Variants in SH3GL2 observed in about 807,000 individuals in gnomAD.
SH3GL2 encodes the protein SH3 domain containing GRB2 like 2, endophilin A1.
Under a neutral mutation model 46.0 loss-of-function variants are expected in SH3GL2, and 24 were observed. The ratio of observed to expected loss-of-function variants is 0.52; its 90% CI spans 0.38 to 0.73. The LOEUF is 0.73. Among genes scored for constraint, SH3GL2 ranks in the 30% least tolerant of loss-of-function variants. The pLI, the probability that SH3GL2 is intolerant of heterozygous loss-of-function variation, is 0.00. For missense variants in SH3GL2, 413 were observed against 424.2 expected (o/e 0.97, Z 0.23); for synonymous variants, 196 against 147.1 (o/e 1.33, Z -2.40).
intron 1 of SH3GL2, among the ~76,000 whole-genome samples, chr9:17,742,782 T>G (rs1822563354): frequency 6.6e-6 from 1 of 152,206 alleles, no homozygotes; most frequent in Admixed American, 6.5e-5. Flanking sequence ...TGGGCACCAT[T>G]AAAGGTTTTG....
intron 1 of SH3GL2, among the ~76,000 whole-genome samples, chr9:17,693,275 G>C (rs1017729032): frequency 1.3e-5 from 2 of 152,090 alleles, no homozygotes; most frequent in African/African-American, 2.4e-5. Flanking sequence ...TTGGTTGCTG[G>C]TGATTTTTTC....
intron 1 of SH3GL2, among the ~76,000 whole-genome samples, chr9:17,609,709 G>A (rs1379528346): frequency 6.6e-6 from 1 of 152,204 alleles, no homozygotes; most frequent in Admixed American, 6.5e-5. Flanking sequence ...TTGAGAATGT[G>A]GGAAAACATT....
At chr9:17,640,990 G>T (rs1218472718) in intron 1 of SH3GL2, among the ~76,000 whole-genome samples, 1 of 152,112 alleles carries the variant, frequency 6.6e-6, no homozygotes, top group Admixed American at 6.5e-5. Context: ...TAAATAATAA[G>T]TAAAACTCTG....
At chr9:17,734,601 A>G (rs1822273216) in intron 1 of SH3GL2, among the ~76,000 whole-genome samples, 1 of 152,186 alleles carries the variant, frequency 6.6e-6, no homozygotes, top group Non-Finnish European at 1.5e-5. Context: ...TATCCATACA[A>G]TGAAATATTA....
intron 3 of SH3GL2, among the ~76,000 whole-genome samples, chr9:17,778,136 C>T (rs999898789): frequency 8.5e-5 from 13 of 152,124 alleles, no homozygotes; most frequent in Admixed American, 2.0e-4. Context: ...GTGCCAGGCA[C>T]GGTGCTGGAT....
intron 1 of SH3GL2, among the ~76,000 whole-genome samples, chr9:17,657,494 C>T (rs1350121900): frequency 1.3e-5 from 2 of 152,072 alleles, no homozygotes; most frequent in African/African-American, 2.4e-5. Context: ...TGGTGTTATT[C>T]TAATTATTCC....
At chr9:17,634,826 C>G (rs1310739226) in intron 1 of SH3GL2, among the ~76,000 whole-genome samples, 5 of 152,182 alleles carry the variant, frequency 3.3e-5, no homozygotes, top group African/African-American at 9.7e-5. Context: ...ACAATACACA[C>G]ATGATCTGTG....
chr9:17,682,886 G>C (rs1417236371), intron 1 of SH3GL2, among the ~76,000 whole-genome samples: 1 of 152,004 alleles, frequency 6.6e-6, no homozygotes, highest in Admixed American at 6.6e-5. Flanking sequence ...TTGTATTATT[G>C]AAACCAAAAC....
intron 1 of SH3GL2, among the ~76,000 whole-genome samples, chr9:17,713,672 A>G (rs543143336): frequency 1.5e-4 from 23 of 151,588 alleles, no homozygotes; most frequent in Non-Finnish European, 3.2e-4. Context: ...TATTAACTTT[A>G]TAAATATTTG....
intron 1 of SH3GL2, among the ~76,000 whole-genome samples, chr9:17,741,021 C>T (rs12553395): frequency 0.095 from 14,430 of 152,074 alleles, 960 homozygotes; most frequent in Admixed American, 0.22. Flanking sequence ...AAGTGGCTCT[C>T]ATTTACTGAA....
chr9:17,759,855 T>C (rs370514124), intron 2 of SH3GL2, among the ~76,000 whole-genome samples: 40 of 152,316 alleles, frequency 2.6e-4, no homozygotes, highest in African/African-American at 9.4e-4. Flanking sequence ...ACATTTGTCA[T>C]CTAATTCCTT....
intron 1 of SH3GL2, chr9:17,653,960 A>T: frequency 6.3e-6 from 3 of 473,012 alleles, no homozygotes; most frequent in Non-Finnish European, 8.3e-6. Context: ...ATCTTCTTTT[A>T]AACTCTGGGA....
At chr9:17,595,109 G>A (rs1475461228) in intron 1 of SH3GL2, among the ~76,000 whole-genome samples, 1 of 152,124 alleles carries the variant, frequency 6.6e-6, no homozygotes, top group African/African-American at 2.4e-5. Context: ...AGATGAGGAA[G>A]CTGAAACACA....
chr9:17,699,541 C>T (rs1042186176), intron 1 of SH3GL2, among the ~76,000 whole-genome samples: 2 of 152,198 alleles, frequency 1.3e-5, no homozygotes, highest in African/African-American at 4.8e-5. Flanking sequence ...AGAGAAGAGC[C>T]TTACCATCCA....
rs1823664564 is a variant in SH3GL2 at position 17,777,182 on chromosome 9, A to T, written c.188-9199A>T. ...GTCAGTAAAATATTGTTACCCAAGG[A>T]CTCAATAACCATGCAGTCAATAAAC... On this transcript the variant is annotated intron_variant, in intron 3 of 8. Transcript: ENST00000380607. Among the ~76,000 whole-genome samples the T allele has an allele frequency of 2.6e-5, 4 of 152,106 alleles. No homozygotes were observed. The South Asian group carries it at 8.3e-4, about 32-fold the overall frequency.
chr9:17,724,451 G>A (rs1821973089), intron 1 of SH3GL2, among the ~76,000 whole-genome samples: 2 of 152,018 alleles, frequency 1.3e-5, no homozygotes, highest in African/African-American at 4.8e-5. Context: ...AATGACTACT[G>A]CCGAGCCATA....
At chr9:17,582,903 TC>T in intron 1 of SH3GL2, among the ~76,000 whole-genome samples, 1 of 152,218 alleles carries the variant, frequency 6.6e-6, no homozygotes, top group Non-Finnish European at 1.5e-5. Flanking sequence ...CATGACATTC[TC>T]CCTGTGTGTG....
At chr9:17,607,125 G>A (rs952731634) in intron 1 of SH3GL2, among the ~76,000 whole-genome samples, 2 of 152,182 alleles carry the variant, frequency 1.3e-5, no homozygotes, top group Non-Finnish European at 1.5e-5. Context: ...GTAACAATGG[G>A]ATATATTCTG....
chr9:17,678,242 G>C (rs965252693), intron 1 of SH3GL2, among the ~76,000 whole-genome samples: 2 of 151,958 alleles, frequency 1.3e-5, no homozygotes, highest in African/African-American at 4.8e-5. Context: ...CTAGTTTACA[G>C]TCCCACCAAC....
Sources: gnomAD v4.1 joint callset for allele counts (sites outside exome capture counted in the v4.1 genomes callset) on GRCh38, gnomAD v4.1.1 for gene constraint, MANE v1.5 for transcripts, NCBI Gene and HGNC (gene_info 2026-07-23, HGNC 2026-07-21) for gene names.